EPB41L4A: variants seen among roughly 807,000 people sequenced by gnomAD.
EPB41L4A encodes erythrocyte membrane protein band 4.1 like 4A, also known as band 4.1-like protein 4A.
EPB41L4A carries 100 observed loss-of-function variants against 108.6 expected under a neutral mutation model. The observed-to-expected ratio is 0.92, with a 90% CI of 0.78 to 1.09. The LOEUF is 1.09. Ranked by LOEUF, EPB41L4A falls within the 50% of genes least tolerant of loss-of-function variation. EPB41L4A has a pLI of 0.00. For synonymous variants in EPB41L4A, 319 were observed against 289.0 expected (o/e 1.10, Z -1.05); for missense variants, 1,030 against 842.7 (o/e 1.22, Z -2.75).
intron 2 of EPB41L4A, among the ~76,000 whole-genome samples, chr5:112,301,114 G>T (rs1210794333): frequency 6.6e-6 from 1 of 151,524 alleles, no homozygotes; most frequent in African/African-American, 2.4e-5. Flanking sequence ...TCCTTAATTG[G>T]TTTAATAATC....
chr5:112,314,538 A>AAAAAAAAAAAAAAG (rs1561563700), intron 1 of EPB41L4A, among the ~76,000 whole-genome samples: 1 of 111,238 alleles, frequency 9.0e-6, no homozygotes, highest in African/African-American at 3.6e-5. Context: ...AAAAAAAAAA[A>AAAAAAAAAAAAAAG]GAAAAGAAAT....
chr5:112,381,631 C>T (rs939923069), intron 1 of EPB41L4A, among the ~76,000 whole-genome samples: 1 of 152,244 alleles, frequency 6.6e-6, no homozygotes. Flanking sequence ...ACAAAGTGAG[C>T]CAAATCCAAA....
chr5:112,366,392 T>C (rs892690699), intron 1 of EPB41L4A, among the ~76,000 whole-genome samples: 1 of 151,742 alleles, frequency 6.6e-6, no homozygotes, highest in Non-Finnish European at 1.5e-5. Context: ...TCTATGAGGT[T>C]AACTATCTAC....
At chr5:112,274,080 G>A (rs1752452919) in intron 4 of EPB41L4A, among the ~76,000 whole-genome samples, 1 of 151,626 alleles carries the variant, frequency 6.6e-6, no homozygotes, top group Non-Finnish European at 1.5e-5. Context: ...CTAGAAGCCA[G>A]CAGTTCAAGA....
chr5:112,302,808 A>T (rs1188456836), intron 2 of EPB41L4A, among the ~76,000 whole-genome samples: 1 of 152,198 alleles, frequency 6.6e-6, no homozygotes, highest in Non-Finnish European at 1.5e-5. Flanking sequence ...AGGAAAAGTA[A>T]CACACATTCG....
intron 1 of EPB41L4A, among the ~76,000 whole-genome samples, chr5:112,335,417 C>A (rs1041689989): frequency 1.6e-4 from 25 of 152,170 alleles, no homozygotes; most frequent in African/African-American, 5.8e-4. Context: ...TGAAATCTTA[C>A]CAGATCTATA....
Position 112,419,010 on chromosome 5 carries a change from T to C in EPB41L4A, c.30A>G (p.Glu10=), listed in dbSNP as rs544682638. The C allele has an allele frequency of 4.1e-5, 66 of 1,613,314 alleles. No homozygotes were observed. In the Admixed American group the frequency reaches 1.1e-3, roughly 27 times the overall value. Reference sequence around the variant, plus strand: ...CCAGGAGCAAAACTTCGCAGTAAAATTCTTCCGGAACAGCGCAGAAACAGC... The same window carrying C: ...CCAGGAGCAAAACTTCGCAGTAAAACTCTTCCGGAACAGCGCAGAAACAGC... The part of the protein sequence containing the change: MGCFCAVPE[E]FYCEVLLLDE... The change falls in exon 1 of 23, where the codon GAA becomes GAG. Residue 10 remains glutamate, a synonymous_variant. Coordinates refer to ENST00000261486, the MANE Select transcript of EPB41L4A (RefSeq NM_022140.5).
chr5:112,204,274 G>GA, intron 15 of EPB41L4A, 101 bp downstream of exon 15: 1 of 696,916 alleles, frequency 1.4e-6, no homozygotes, highest in Non-Finnish European at 2.5e-6. Context: ...ATCTTGGAGA[G>GA]AAACAGTAAT....
chr5:112,296,666 T>C (rs1754004853), intron 2 of EPB41L4A, among the ~76,000 whole-genome samples: 1 of 152,176 alleles, frequency 6.6e-6, no homozygotes, highest in Admixed American at 6.6e-5. Context: ...CATGAATAAG[T>C]TCTTTAATGG....
At chr5:112,279,380 T>C (rs1020139366) in intron 3 of EPB41L4A, among the ~76,000 whole-genome samples, 2 of 152,092 alleles carry the variant, frequency 1.3e-5, no homozygotes, top group Non-Finnish European at 2.9e-5. Flanking sequence ...AGACTCAGAA[T>C]GGGGATAATG....
At chr5:112,301,234 A>G (rs1040183168) in intron 2 of EPB41L4A, among the ~76,000 whole-genome samples, 2 of 152,098 alleles carry the variant, frequency 1.3e-5, no homozygotes, top group African/African-American at 4.8e-5. Flanking sequence ...TTCTTTTATC[A>G]TATTACCAGA....
chr5:112,342,334 T>C (rs892327220), intron 1 of EPB41L4A, among the ~76,000 whole-genome samples: 1 of 152,208 alleles, frequency 6.6e-6, no homozygotes, highest in Non-Finnish European at 1.5e-5. Flanking sequence ...AAATTTATCT[T>C]ATCACTGGTC....
intron 1 of EPB41L4A, among the ~76,000 whole-genome samples, chr5:112,319,558 T>G (rs1755637193): frequency 6.6e-6 from 1 of 152,152 alleles, no homozygotes; most frequent in South Asian, 2.1e-4. Context: ...ACAGAATCAC[T>G]TCTAAGTTTT....
rs543886138 is a variant in EPB41L4A at position 112,288,831 on chromosome 5, CTT to C, written c.205-8510_205-8509del. 7.2e-3 allele frequency among the ~76,000 whole-genome samples: 1,032 copies of C among 143,378 alleles called. 12 individuals are homozygous for C. The highest frequency in any genetic ancestry group is 0.024 in the African/African-American group (949 of 39,310). 94.1% of individuals were successfully genotyped at this position (143,378 alleles called of 152,430 possible). ...AGTCTGATTAGAGGAGATGATATAT[CTT>C]TTTTTTTTTTTTATGATGGAGTCTC... On this transcript the variant is annotated intron_variant, in intron 2 of 22. Coordinates refer to ENST00000261486, the MANE Select transcript of EPB41L4A (RefSeq NM_022140.5).
intron 9 of EPB41L4A, among the ~76,000 whole-genome samples, chr5:112,254,561 T>C (rs559028087): frequency 6.6e-6 from 1 of 152,280 alleles, no homozygotes; most frequent in South Asian, 2.1e-4. Context: ...TCTGAGCTCA[T>C]GCCCACAGTT....
At chr5:112,378,254 T>C (rs1452093386) in intron 1 of EPB41L4A, among the ~76,000 whole-genome samples, 2 of 151,426 alleles carry the variant, frequency 1.3e-5, no homozygotes, top group Non-Finnish European at 3.0e-5. Flanking sequence ...GTAAAAATTA[T>C]GTCTGTTCCT....
At chr5:112,266,641 C>T (rs1751882740) in intron 4 of EPB41L4A, among the ~76,000 whole-genome samples, 1 of 152,200 alleles carries the variant, frequency 6.6e-6, no homozygotes, top group African/African-American at 2.4e-5. Context: ...TCCCCACCTG[C>T]AAAACTGGAA....
At chr5:112,234,871 C>CT in intron 11 of EPB41L4A, 116 bp from the exon 12 acceptor site, 1 of 1,150,938 alleles carries the variant, frequency 8.7e-7, no homozygotes, top group Non-Finnish European at 1.2e-6. Flanking sequence ...CACAGACTCC[C>CT]TGGTTTTTAA....
intron 15 of EPB41L4A, among the ~76,000 whole-genome samples, chr5:112,199,212 T>C (rs1664169084): frequency 1.3e-5 from 2 of 152,242 alleles, no homozygotes; most frequent in Non-Finnish European, 2.9e-5. Flanking sequence ...TATAACCGTT[T>C]CAATGGAAGA....
Sources: gnomAD v4.1 joint callset for allele counts (sites outside exome capture counted in the v4.1 genomes callset) on GRCh38, gnomAD v4.1.1 for gene constraint, MANE v1.5 for transcripts, NCBI Gene and HGNC (gene_info 2026-07-23, HGNC 2026-07-21) for gene names.